The following PBX1 variants were observed in gnomAD, a reference collection of about 807,000 sequenced individuals.
PBX1 encodes the protein pre-B-cell leukemia transcription factor 1.
PBX1 carries 6 observed loss-of-function variants against 53.4 expected under a neutral mutation model. The observed-to-expected ratio is 0.11, with a 90% CI of 0.06 to 0.22. PBX1 has a LOEUF of 0.22. Ranked by LOEUF, PBX1 falls within the 10% of genes least tolerant of loss-of-function variation. The pLI is 1.00. For synonymous variants in PBX1, 204 were observed against 212.3 expected, an observed-to-expected ratio of 0.96 and a Z score of 0.34; for missense variants, 251 against 551.4, an observed-to-expected ratio of 0.46 and a Z score of 5.46.
intron 2 of PBX1, among the ~76,000 whole-genome samples, chr1:164,779,315 AT>A (rs1359796418): frequency 6.6e-6 from 1 of 152,130 alleles, no homozygotes; most frequent in Non-Finnish European, 1.5e-5. Context: ...CAGCTGAAAT[AT>A]AGGTTCTGTC....
At chr1:164,664,618 T>A (rs1660699430) in intron 2 of PBX1, among the ~76,000 whole-genome samples, 1 of 152,198 alleles carries the variant, frequency 6.6e-6, no homozygotes, top group Non-Finnish European at 1.5e-5. Flanking sequence ...ATGGTATGTA[T>A]TAGTCTGTTT....
chr1:164,621,799 T>C (rs1184553885), intron 2 of PBX1, among the ~76,000 whole-genome samples: 1 of 152,172 alleles, frequency 6.6e-6, no homozygotes, highest in Non-Finnish European at 1.5e-5. Flanking sequence ...AGAGGATGAT[T>C]CCTGAGTCTG....
At chr1:164,870,237 C>T (rs1396427440) in intron 2 of PBX1, among the ~76,000 whole-genome samples, 6 of 49,668 alleles carry the variant, frequency 1.2e-4, no homozygotes, top group Non-Finnish European at 2.0e-4. Context: ...TTCCTTCCTT[C>T]CTTCCTTCCT....
intron 2 of PBX1, among the ~76,000 whole-genome samples, chr1:164,763,034 C>A (rs1364893652): frequency 1.3e-5 from 2 of 152,090 alleles, no homozygotes; most frequent in African/African-American, 4.8e-5. Context: ...AAAGGGATAG[C>A]TTTTATTTTT....
At chr1:164,839,428 A>T (rs540298418) in intron 8 of PBX1, among the ~76,000 whole-genome samples, 1 of 152,342 alleles carries the variant, frequency 6.6e-6, no homozygotes, top group Non-Finnish European at 1.5e-5. Context: ...GAGATTTTAA[A>T]TGATAAATAA....
intron 2 of PBX1, among the ~76,000 whole-genome samples, chr1:164,618,323 T>A (rs1041445874): frequency 1.6e-4 from 22 of 135,840 alleles, no homozygotes; most frequent in Admixed American, 3.2e-4. Flanking sequence ...CTCAAGATGA[T>A]CAGCACTAGC....
intron 2 of PBX1, among the ~76,000 whole-genome samples, chr1:164,596,947 C>T (rs768149417): frequency 2.6e-5 from 4 of 152,182 alleles, no homozygotes; most frequent in Non-Finnish European, 5.9e-5. Flanking sequence ...GGCCACACCA[C>T]AGGTAAGTGG....
chr1:164,673,412 C>T (rs993754730), intron 2 of PBX1, among the ~76,000 whole-genome samples: 10 of 151,484 alleles, frequency 6.6e-5, no homozygotes, highest in South Asian at 2.1e-4. Flanking sequence ...CACGTCTCTC[C>T]GCTTTCATCA....
chr1:164,731,210 T>C (rs891161073), intron 2 of PBX1, among the ~76,000 whole-genome samples: 13 of 152,262 alleles, frequency 8.5e-5, no homozygotes, highest in Non-Finnish European at 1.2e-4. Flanking sequence ...GATGACCTAC[T>C]TGACCTATTT....
chr1:164,613,489 G>A (rs962565491), intron 2 of PBX1, among the ~76,000 whole-genome samples: 1 of 152,100 alleles, frequency 6.6e-6, no homozygotes, highest in Non-Finnish European at 1.5e-5. Context: ...CAGGATTGCC[G>A]TAAAGCTATT....
In PBX1 at chr1:164,847,239, C is replaced by T; in HGVS notation, c.*563C>T. On this transcript the variant is annotated 3_prime_UTR_variant, in exon 9 of 9. Transcript: ENST00000420696. Reference sequence around the variant, plus strand: ...TCCCTGCTTCCTCTTGCTCTTCCTCCCTGGGGACAGTACTGATTGGAACAC... The same window carrying T: ...TCCCTGCTTCCTCTTGCTCTTCCTCTCTGGGGACAGTACTGATTGGAACAC... 1 of 1,073,690 alleles carries T rather than the reference C, an allele frequency of 9.3e-7. No individual in the cohort carries two copies. The highest frequency in any genetic ancestry group is 1.1e-6 in the Non-Finnish European group (1 of 883,592). 66.5% of individuals were successfully genotyped at this position (1,073,690 alleles called of 1,614,324 possible).
chr1:164,696,956 G>T (rs1340358352), intron 2 of PBX1, among the ~76,000 whole-genome samples: 1 of 152,102 alleles, frequency 6.6e-6, no homozygotes, highest in African/African-American at 2.4e-5. Flanking sequence ...ACCCAAATTT[G>T]TGTTCTATAT....
chr1:164,716,254 G>T (rs529052478), intron 2 of PBX1, among the ~76,000 whole-genome samples: 2 of 152,112 alleles, frequency 1.3e-5, no homozygotes, highest in African/African-American at 2.4e-5. Context: ...ATGCCACATC[G>T]TTCCTTCTGG....
intron 2 of PBX1, among the ~76,000 whole-genome samples, chr1:164,585,090 A>G (rs1047269062): frequency 6.6e-6 from 1 of 152,194 alleles, no homozygotes; most frequent in Non-Finnish European, 1.5e-5. Flanking sequence ...GACATCAATG[A>G]AAGAGGTTGT....
At chr1:164,663,248 TCCTGCCTGCCTG>T (rs58476519) in intron 2 of PBX1, among the ~76,000 whole-genome samples, 18 of 144,188 alleles carry the variant, frequency 1.2e-4, no homozygotes, top group East Asian at 2.1e-4. Flanking sequence ...CTTCCTGCCT[TCCTGCCTGCCTG>T]CCTGCCTGCC....
chr1:164,770,098 A>C (rs1438905906), intron 2 of PBX1: 1 of 152,238 alleles, frequency 6.6e-6, no homozygotes, highest in Non-Finnish European at 1.5e-5. Context: ...TAGACAATGT[A>C]GGTGAGATAA....
At position 164,847,752 on chromosome 1, in the gene PBX1, C is replaced by G. The variant is rs1354031336; in HGVS notation, c.*1076C>G. ...AGCCCGAGAGAGGGAATTAGTGACTCTAAGTGAAGGTCACTGACACAGAGA... is the reference window on the plus strand; with the variant it reads ...AGCCCGAGAGAGGGAATTAGTGACTGTAAGTGAAGGTCACTGACACAGAGA... On this transcript the variant is annotated 3_prime_UTR_variant, in exon 9 of 9. Transcript: ENST00000420696. 8 of 1,052,664 alleles carry G rather than the reference C, an allele frequency of 7.6e-6. No individual in the cohort carries two copies. The highest frequency in any genetic ancestry group is 9.2e-6 in the Non-Finnish European group (8 of 871,454). 65.2% of individuals were successfully genotyped at this position (1,052,664 alleles called of 1,614,324 possible).
chr1:164,588,620 C>A (rs1655127433), intron 2 of PBX1, among the ~76,000 whole-genome samples: 1 of 151,702 alleles, frequency 6.6e-6, no homozygotes, highest in East Asian at 1.9e-4. Flanking sequence ...TTCCTTCTTC[C>A]TTTCCCTTGC....
intron 2 of PBX1, among the ~76,000 whole-genome samples, chr1:164,598,757 A>G (rs1403030326): frequency 6.6e-6 from 1 of 152,224 alleles, no homozygotes; most frequent in Admixed American, 6.5e-5. Context: ...CAAATTTTTC[A>G]TAAAGAGCCT....
Sources: allele counts gnomAD v4.1 joint callset (sites outside exome capture counted in the v4.1 genomes callset), GRCh38; gene constraint gnomAD v4.1.1; transcripts MANE v1.5; gene names NCBI Gene and HGNC (gene_info 2026-07-23, HGNC 2026-07-21).